The following BEAN1 variants were observed in gnomAD, a reference collection of about 807,000 sequenced individuals.
The protein encoded by BEAN1 is brain expressed associated with NEDD4 1.
A neutral mutation model predicts 17.7 loss-of-function variants in BEAN1; 17 were observed. The observed-to-expected ratio is 0.96, with a 90% confidence interval of 0.66 to 1.44. BEAN1 has a LOEUF of 1.44. Among genes scored for constraint, BEAN1 ranks in the 40% most tolerant of loss-of-function variants. BEAN1 has a pLI of 0.00. For missense variants in BEAN1, 359 were observed against 374.1 expected, an observed-to-expected ratio of 0.96 and a Z score of 0.33; for synonymous variants, 142 against 151.8, an observed-to-expected ratio of 0.94 and a Z score of 0.47.
chr16:66,475,119 A>C (rs1158497624), intron 3 of BEAN1, among the ~76,000 whole-genome samples: 4 of 152,216 alleles, frequency 2.6e-5, no homozygotes, highest in African/African-American at 9.6e-5. Context: ...AGTGGGAAGC[A>C]GGGCTTCCGG....
intron 1 of BEAN1, among the ~76,000 whole-genome samples, chr16:66,432,549 A>G (rs1290613486): frequency 6.6e-6 from 1 of 152,222 alleles, no homozygotes; most frequent in Admixed American, 6.5e-5. Context: ...GTGACATGGC[A>G]TCATGCCTTC....
rs142781855 is a variant in BEAN1, at chr16:66,463,947, G to T, written c.26-5655G>T. Among the ~76,000 whole-genome samples the T allele has an allele frequency of 2.7e-3, 417 of 152,282 alleles. 1 individual carries two copies. The highest frequency in any genetic ancestry group is 0.014 in the Middle Eastern group (4 of 294). On this transcript the variant is annotated intron_variant, in intron 2 of 4. Coordinates refer to ENST00000536005, the MANE Select transcript of BEAN1 (RefSeq NM_001178020.3). ...AAATCCACTGACCATAAATATGAGG[G>T]TCTGTTTCTCAACTCTCAATTCTAG...
intron 4 of BEAN1, 182 bp downstream of exon 4, chr16:66,477,892 T>G: frequency 5.0e-6 from 3 of 597,508 alleles, no homozygotes; most frequent in Non-Finnish European, 8.0e-6. Flanking sequence ...TGAGGCAGTG[T>G]GACTTAGCAG....
chr16:66,481,178 C>G lies in BEAN1; in HGVS notation c.*253C>G. ...ACAAAACCCACCTGCAAAGGTTTCACGGAACGTGGAGCTCTCCTGGCCTCC... is the reference window on the plus strand; with the variant it reads ...ACAAAACCCACCTGCAAAGGTTTCAGGGAACGTGGAGCTCTCCTGGCCTCC... On this transcript the variant is annotated 3_prime_UTR_variant, in exon 5 of 5. Coordinates refer to ENST00000536005, the MANE Select transcript of BEAN1 (RefSeq NM_001178020.3). This position sits in a 1 kb window ranked among gnomAD's most constrained non-coding sequence, Gnocchi z 4.1. 2.4e-6 allele frequency: 1 copy of G among 418,132 alleles called. No homozygotes were observed. The allele number at this position is 418,132 out of a possible 1,614,324, so 25.9% of individuals were successfully genotyped here.
chr16:66,490,966 T>C (rs926702350), intron 4 of BEAN1, among the ~76,000 whole-genome samples: 17 of 152,212 alleles, frequency 1.1e-4, no homozygotes, highest in Admixed American at 8.5e-4. Flanking sequence ...GACCCATCCA[T>C]TCCTCCAAGT....
intron 2 of BEAN1, among the ~76,000 whole-genome samples, chr16:66,461,615 A>AC (rs1555519674): frequency 2.9e-4 from 18 of 62,036 alleles, no homozygotes; most frequent in East Asian, 9.6e-4. Flanking sequence ...CACACACACA[A>AC]ACGCACGCAC....
chr16:66,439,790 C>T (rs1401149616), intron 2 of BEAN1, among the ~76,000 whole-genome samples: 1 of 152,146 alleles, frequency 6.6e-6, no homozygotes, highest in East Asian at 1.9e-4. Context: ...GAAGCTGAAG[C>T]CCCTGACTCT....
intron 2 of BEAN1, among the ~76,000 whole-genome samples, chr16:66,453,074 A>G (rs556169639): frequency 1.3e-4 from 20 of 152,092 alleles, no homozygotes; most frequent in Non-Finnish European, 2.5e-4. Flanking sequence ...TTTTGGTTTC[A>G]TTGATATTCT....
At chr16:66,451,945 C>T (rs1383715227) in intron 2 of BEAN1, among the ~76,000 whole-genome samples, 2 of 152,328 alleles carry the variant, frequency 1.3e-5, no homozygotes, top group African/African-American at 2.4e-5. Flanking sequence ...GGATACTAAA[C>T]GTTGGTGAAC....
In BEAN1 at chr16:66,481,461, G is replaced by T; in HGVS notation, c.*536G>T. ...AGGCCCCAGTGAGGTTCCGTTGTGCGCTGTGCCTATCTCTCGATTCCAGGG... is the reference window on the plus strand; with the variant it reads ...AGGCCCCAGTGAGGTTCCGTTGTGCTCTGTGCCTATCTCTCGATTCCAGGG... On this transcript the variant is annotated 3_prime_UTR_variant, in exon 5 of 5. Transcript: ENST00000536005. The surrounding 1 kb of genome is among the most constrained non-coding windows in gnomAD (Gnocchi z 4.1). The T allele has an allele frequency of 2.6e-6, 1 of 390,014 alleles. No homozygotes were observed. 24.2% of individuals were successfully genotyped at this position (390,014 alleles called of 1,614,324 possible). A position where few individuals can be genotyped will look rare whatever the true frequency, so the allele number is the denominator to read the frequency against.
Position 66,481,251 on chromosome 16 carries a change from GGA to G in BEAN1, c.*334_*335del, listed in dbSNP as rs907559909. 20 of 399,760 alleles carry G rather than the reference GGA, an allele frequency of 5.0e-5. No individual in the cohort carries two copies. Among genetic ancestry groups the G allele is most frequent in the Middle Eastern group, 6.2e-4 (1 of 1,612 alleles). The allele number at this position is 399,760 out of a possible 1,614,324, so 24.8% of individuals were successfully genotyped here. On this transcript the variant is annotated 3_prime_UTR_variant, in exon 5 of 5. Transcript: ENST00000536005. This position sits in a 1 kb window ranked among gnomAD's most constrained non-coding sequence, Gnocchi z 4.1. ...GTTGTGCCTCTGTAGAGAGCGCTTCGGAGAGAGAGGCGAAGTAGGAAGTGGGA... is the reference window on the plus strand; with the variant it reads ...GTTGTGCCTCTGTAGAGAGCGCTTCGGAGAGAGGCGAAGTAGGAAGTGGGA...
At chr16:66,433,009 C>T (rs1961864051) in intron 1 of BEAN1, among the ~76,000 whole-genome samples, 3 of 152,242 alleles carry the variant, frequency 2.0e-5, no homozygotes, top group East Asian at 1.9e-4. Flanking sequence ...ATCTCCAGTC[C>T]TAGTCAGAAA....
chr16:66,433,461 T>C (rs999663922), intron 1 of BEAN1, among the ~76,000 whole-genome samples: 1 of 152,166 alleles, frequency 6.6e-6, no homozygotes, highest in Non-Finnish European at 1.5e-5. Context: ...CTGCCCCTCC[T>C]CTGCAGTCAC....
chr16:66,484,626 G>T, downstream of BEAN1: 1 of 454,142 alleles, frequency 2.2e-6, no homozygotes, highest in Non-Finnish European at 4.4e-6. The surrounding 1 kb of genome is among the most constrained non-coding windows in gnomAD (Gnocchi z 4.2). Flanking sequence ...CTGGGATGAG[G>T]ATGTGGGTGA....
chr16:66,469,626 A>T lies in BEAN1; in HGVS notation c.50A>T (p.Tyr17Phe). The change falls in exon 3 of 5, where the codon TAC becomes TTC. Residue 17 changes from tyrosine to phenylalanine, a missense_variant. By Grantham distance (22) the Tyr-to-Phe change is conservative. Coordinates refer to ENST00000536005, the MANE Select transcript of BEAN1 (RefSeq NM_001178020.3). ...CPLARYNRTS[Y>F]FYPTFSESSE... ...GTAGCACGATACAACCGCACCAGCT[A>T]CTTCTACCCCACATTCTCAGAGAGC... 1 of 1,535,978 alleles carries T rather than the reference A, an allele frequency of 6.5e-7. No individual in the cohort carries two copies. Among genetic ancestry groups the T allele is most frequent in the Non-Finnish European group, 8.7e-7 (1 of 1,146,832 alleles).
chr16:66,430,437 A>G (rs1293508147), intron 1 of BEAN1, among the ~76,000 whole-genome samples: 2 of 152,374 alleles, frequency 1.3e-5, no homozygotes, highest in Admixed American at 1.3e-4. Flanking sequence ...TAGAATAGTT[A>G]AAACATCACT....
At chr16:66,468,747 G>A (rs1005165501) in intron 2 of BEAN1, among the ~76,000 whole-genome samples, 3 of 152,184 alleles carry the variant, frequency 2.0e-5, no homozygotes, top group Admixed American at 6.5e-5. Flanking sequence ...GACTGTCCAC[G>A]TGAGGCAGTG....
At chr16:66,448,230 T>TTGC (rs67600348) in intron 2 of BEAN1, among the ~76,000 whole-genome samples, 263 of 17,574 alleles carry the variant, frequency 0.015, 2 homozygotes, top group Non-Finnish European at 0.025. Context: ...TTGTTGTTGT[T>TTGC]TGTTGTTGTT....
chr16:66,460,716 C>T (rs1453752983), intron 2 of BEAN1, among the ~76,000 whole-genome samples: 1 of 152,192 alleles, frequency 6.6e-6, no homozygotes, highest in African/African-American at 2.4e-5. Context: ...GGGAGAAGAG[C>T]ATTCTCCCTT....
Sources: allele counts gnomAD v4.1 joint callset (sites outside exome capture counted in the v4.1 genomes callset), GRCh38; gene constraint gnomAD v4.1.1; non-coding constraint Gnocchi (gnomAD v3.1); transcripts MANE v1.5; gene names NCBI Gene and HGNC (gene_info 2026-07-23, HGNC 2026-07-21).